Variants in GNG12 observed in about 807,000 individuals in gnomAD.
The protein encoded by GNG12 is G protein subunit gamma 12, also known as guanine nucleotide-binding protein G(I)/G(S)/G(O) subunit gamma-12.
For synonymous variants in GNG12, 28 were observed against 29.7 expected (o/e 0.94, Z 0.19); for missense variants, 69 against 83.8 (o/e 0.82, Z 0.69).
chr1:67,752,262 T>C (rs1646543367), intron 2 of GNG12, among the ~76,000 whole-genome samples: 1 of 152,240 alleles, frequency 6.6e-6, no homozygotes, highest in Admixed American at 6.5e-5. Flanking sequence ...CATCTTTCCT[T>C]GGCGTTTCAG....
At chr1:67,833,133 C>G (rs910442881) in intron 1 of GNG12, among the ~76,000 whole-genome samples, 2 of 151,716 alleles carry the variant, frequency 1.3e-5, no homozygotes, top group Non-Finnish European at 2.9e-5. Context: ...CCCCTCCCCC[C>G]GGTCTCCGGC....
chr1:67,815,739 C>T (rs560698214), intron 1 of GNG12, among the ~76,000 whole-genome samples: 2 of 152,182 alleles, frequency 1.3e-5, no homozygotes, highest in South Asian at 4.2e-4. Context: ...CTCAGAGGGC[C>T]GGCATGAGGG....
chr1:67,804,068 T>A (rs905097661), intron 1 of GNG12, among the ~76,000 whole-genome samples: 1 of 152,018 alleles, frequency 6.6e-6, no homozygotes, highest in African/African-American at 2.4e-5. Context: ...AGAAAGCAGG[T>A]TAAAGGTTGT....
chr1:67,777,688 T>TAG (rs1646713972), intron 1 of GNG12, among the ~76,000 whole-genome samples, 181 bp from the exon 2 acceptor site: 1 of 152,208 alleles, frequency 6.6e-6, no homozygotes, highest in South Asian at 2.1e-4. Context: ...ACTTCCTGAA[T>TAG]AGAGAGAGCA....
At chr1:67,803,828 T>A (rs984536458) in intron 1 of GNG12, among the ~76,000 whole-genome samples, 2 of 152,194 alleles carry the variant, frequency 1.3e-5, no homozygotes, top group South Asian at 4.2e-4. Flanking sequence ...CCTGAACACA[T>A]CTGTTAGAGG....
intron 2 of GNG12, among the ~76,000 whole-genome samples, chr1:67,711,904 T>C (rs1410452946): frequency 2.6e-5 from 4 of 152,218 alleles, no homozygotes; most frequent in African/African-American, 9.7e-5. Flanking sequence ...ACATTCTTCC[T>C]ATGGAGAAAG....
intron 1 of GNG12, among the ~76,000 whole-genome samples, chr1:67,810,858 T>C (rs1646920604): frequency 6.6e-6 from 1 of 152,198 alleles, no homozygotes; most frequent in Non-Finnish European, 1.5e-5. Context: ...TTATTCTTTG[T>C]ACATGGGGAC....
At chr1:67,784,938 A>T (rs1304488150) in intron 1 of GNG12, among the ~76,000 whole-genome samples, 2 of 152,198 alleles carry the variant, frequency 1.3e-5, no homozygotes, top group African/African-American at 4.8e-5. Context: ...GCTGGGGAGT[A>T]TAACAATGTT....
intron 2 of GNG12, among the ~76,000 whole-genome samples, chr1:67,739,412 A>AG (rs1248686631): frequency 1.3e-5 from 2 of 152,150 alleles, no homozygotes; most frequent in African/African-American, 4.8e-5. Flanking sequence ...TATGATCTTC[A>AG]CTCAATTTAA....
chr1:67,705,959 T>C (rs1646244957), intron 3 of GNG12, among the ~76,000 whole-genome samples: 1 of 152,176 alleles, frequency 6.6e-6, no homozygotes, highest in Non-Finnish European at 1.5e-5. Context: ...TGGCCTGGAT[T>C]CTTCAAAAAT....
At chr1:67,828,066 A>G (rs1166237154) in intron 1 of GNG12, among the ~76,000 whole-genome samples, 2 of 152,188 alleles carry the variant, frequency 1.3e-5, no homozygotes, top group Non-Finnish European at 2.9e-5. Flanking sequence ...CTGGTTCTAG[A>G]ACAGGATTTA....
chr1:67,745,519 C>T (rs1035100359), intron 2 of GNG12, among the ~76,000 whole-genome samples: 94 of 152,174 alleles, frequency 6.2e-4, no homozygotes, highest in African/African-American at 2.0e-3. Context: ...CTCCCACATA[C>T]GAATTTTATA....
At chr1:67,751,258 ATATT>A (rs1557605041) in intron 2 of GNG12, among the ~76,000 whole-genome samples, 1 of 152,118 alleles carries the variant, frequency 6.6e-6, no homozygotes, top group African/African-American at 2.4e-5. Context: ...GCCACTAAAA[ATATT>A]TATTAGCCAT....
At chr1:67,760,384 A>G (rs1334962725) in intron 2 of GNG12, among the ~76,000 whole-genome samples, 1 of 152,002 alleles carries the variant, frequency 6.6e-6, no homozygotes, top group African/African-American at 2.4e-5. Flanking sequence ...AATCAGTTCA[A>G]TTTATTTTTA....
At chr1:67,816,205 GA>G (rs1467363971) in intron 1 of GNG12, among the ~76,000 whole-genome samples, 1 of 152,148 alleles carries the variant, frequency 6.6e-6, no homozygotes, top group East Asian at 1.9e-4. Context: ...CTCAAGTCAA[GA>G]AAGTTTAGGT....
chr1:67,815,505 G>A (rs1249626831), intron 1 of GNG12, among the ~76,000 whole-genome samples: 1 of 152,164 alleles, frequency 6.6e-6, no homozygotes, highest in Non-Finnish European at 1.5e-5. Flanking sequence ...GAGGCTCCTT[G>A]TGTACCTGTG....
intron 1 of GNG12, among the ~76,000 whole-genome samples, chr1:67,792,418 C>T (rs557177072): frequency 1.3e-5 from 2 of 152,276 alleles, no homozygotes; most frequent in Middle Eastern, 3.4e-3. Context: ...CCAAGTGAAT[C>T]ATAAGATAAG....
intron 2 of GNG12, among the ~76,000 whole-genome samples, chr1:67,771,211 T>C (rs572274421): frequency 6.6e-6 from 1 of 152,230 alleles, no homozygotes; most frequent in Admixed American, 6.5e-5. Flanking sequence ...GTGAGTCACA[T>C]TGTACAATAT....
intron 2 of GNG12, among the ~76,000 whole-genome samples, chr1:67,772,851 ATGG>A (rs1265672694): frequency 1.3e-5 from 2 of 152,244 alleles, no homozygotes; most frequent in African/African-American, 4.8e-5. Flanking sequence ...TGCTAGAAGT[ATGG>A]CAAAAGAGGC....
Sources: allele counts gnomAD v4.1 joint callset (sites outside exome capture counted in the v4.1 genomes callset), GRCh38; gene constraint gnomAD v4.1.1; transcripts MANE v1.5; gene names NCBI Gene and HGNC (gene_info 2026-07-23, HGNC 2026-07-21).